MIB1: variants seen among roughly 807,000 people sequenced by gnomAD.
The protein encoded by MIB1 is E3 ubiquitin-protein ligase MIB1.
MIB1 carries 278 observed loss-of-function variants against 124.5 expected under a neutral mutation model. The observed-to-expected ratio is 2.23, with a 90% CI of 2.02 to 2.47. MIB1 has a LOEUF of 2.47. Ranked by LOEUF, MIB1 falls within the 30% of genes most tolerant of loss-of-function variation. The pLI is 0.00. For missense variants in MIB1, 957 were observed against 1,254.4 expected (o/e 0.76, Z 3.58); for synonymous variants, 446 against 429.4 (o/e 1.04, Z -0.48).
chr18:21,818,935 A>G (rs2146478581), intron 11 of MIB1, among the ~76,000 whole-genome samples: 1 of 152,106 alleles, frequency 6.6e-6, no homozygotes, highest in South Asian at 2.1e-4. Context: ...ACTTGGTCTC[A>G]AAAAAAAGAA....
intron 11 of MIB1, 63 bp downstream of exon 11, chr18:21,815,876 A>G: frequency 7.1e-7 from 1 of 1,416,074 alleles, no homozygotes; most frequent in Non-Finnish European, 9.9e-7. Context: ...GGGAAACATT[A>G]AGTTCTATGG....
intron 18 of MIB1, among the ~76,000 whole-genome samples, chr18:21,856,156 G>A (rs542145188): frequency 1.3e-5 from 2 of 150,716 alleles, no homozygotes; most frequent in Non-Finnish European, 2.9e-5. Context: ...CGTGAACCCG[G>A]GAAGCGGAGC....
At chr18:21,750,191 A>G (rs1206222306) in intron 1 of MIB1, among the ~76,000 whole-genome samples, 1 of 152,084 alleles carries the variant, frequency 6.6e-6, no homozygotes, top group African/African-American at 2.4e-5. Context: ...GTGCAATGGC[A>G]TGATCTCAGC....
chr18:21,815,681 AC>A lies in MIB1; in HGVS notation c.1546del (p.Leu516TyrfsTer8), dbSNP rs752998585. ...GAGATGAAGGCGCTGTTATAGAAGT[AC>A]TACATCGAGGTAGTGCTGATTTGAA... ...FGDEGAVIEV[L>X]HRGSADLNAR... On this transcript the variant is annotated frameshift_variant, in exon 11 of 21. Transcript: ENST00000261537. LOFTEE classifies it high-confidence loss of function. 6.2e-7 allele frequency: 1 copy of A among 1,614,178 alleles called. No individual in the cohort carries two copies. Among genetic ancestry groups the A allele is most frequent in the Non-Finnish European group, 8.5e-7 (1 of 1,180,006 alleles).
In MIB1 at chr18:21,734,072, C is replaced by T. The variant is rs534681615; in HGVS notation, n.167+28949C>T. ...CATTCTTCCATCTAAGCATCTAAGC[C>T]TCACCATAAATATGATATTTGTTCT... On this transcript the variant is annotated intron_variant and non_coding_transcript_variant, in intron 1 of 20. Coordinates refer to the MIB1 transcript ENST00000578646. 1.3e-4 allele frequency among the ~76,000 whole-genome samples: 19 copies of T among 151,790 alleles called. No individual in the cohort carries two copies. The South Asian group carries it at 2.3e-3, about 18-fold the overall frequency.
At chr18:21,775,289 G>T (rs1389563616) in intron 4 of MIB1, among the ~76,000 whole-genome samples, 1 of 152,032 alleles carries the variant, frequency 6.6e-6, no homozygotes, top group Non-Finnish European at 1.5e-5. Flanking sequence ...ACTCAAGCTG[G>T]AGTGCAGTGG....
intron 5 of MIB1, among the ~76,000 whole-genome samples, chr18:21,778,389 T>C (rs1012111338): frequency 5.3e-5 from 8 of 152,244 alleles, no homozygotes; most frequent in Non-Finnish European, 1.0e-4. Flanking sequence ...ATTTATGTCA[T>C]AATATACATT....
At chr18:21,771,614 A>G (rs1050342506) in intron 3 of MIB1, among the ~76,000 whole-genome samples, 1 of 152,180 alleles carries the variant, frequency 6.6e-6, no homozygotes, top group Non-Finnish European at 1.5e-5. Flanking sequence ...AGTTACCTCT[A>G]ATGGAAGGCA....
chr18:21,722,157 C>T (rs924919381), intron 1 of MIB1, among the ~76,000 whole-genome samples: 1 of 151,646 alleles, frequency 6.6e-6, no homozygotes, highest in Admixed American at 6.6e-5. Flanking sequence ...TGGGTTCAAG[C>T]GATTTTCCTG....
At chr18:21,832,207 G>A (rs2041990744) in intron 12 of MIB1, among the ~76,000 whole-genome samples, 1 of 152,060 alleles carries the variant, frequency 6.6e-6, no homozygotes, top group Non-Finnish European at 1.5e-5. Context: ...ATGCTTTTGA[G>A]TAATTATACA....
chr18:21,709,129 A>C (rs901592685), intron 1 of MIB1, among the ~76,000 whole-genome samples: 9 of 152,090 alleles, frequency 5.9e-5, no homozygotes, highest in Non-Finnish European at 1.3e-4. Flanking sequence ...ATCCTGGCTA[A>C]CACGGTGAAA....
At chr18:21,786,201 A>G (rs2041433341) in intron 6 of MIB1, among the ~76,000 whole-genome samples, 1 of 151,798 alleles carries the variant, frequency 6.6e-6, no homozygotes, top group Non-Finnish European at 1.5e-5. Context: ...GGTTCACACC[A>G]TTCTCCTGCC....
chr18:21,773,992 G>T (rs570841188), intron 4 of MIB1, among the ~76,000 whole-genome samples: 1 of 152,238 alleles, frequency 6.6e-6, no homozygotes, highest in East Asian at 1.9e-4. Flanking sequence ...CAAAAAGATT[G>T]GGAATCATCT....
intron 6 of MIB1, among the ~76,000 whole-genome samples, chr18:21,787,740 T>A (rs2041453019): frequency 6.6e-6 from 1 of 151,958 alleles, no homozygotes; most frequent in African/African-American, 2.4e-5. Context: ...TTGCTGGTGA[T>A]AATCTTGGTG....
chr18:21,829,728 TTGA>T (rs1417693602), intron 12 of MIB1, among the ~76,000 whole-genome samples: 2 of 152,116 alleles, frequency 1.3e-5, no homozygotes, highest in Non-Finnish European at 2.9e-5. Context: ...AGTTTGCACT[TTGA>T]TGCTTCTCTT....
chr18:21,716,695 C>G (rs529848307), intron 1 of MIB1, among the ~76,000 whole-genome samples: 1 of 151,962 alleles, frequency 6.6e-6, no homozygotes, highest in Non-Finnish European at 1.5e-5. Flanking sequence ...ACTAAAAATA[C>G]AAAAAAATTA....
At position 21,838,425 on chromosome 18, in the gene MIB1, T is replaced by A; in HGVS notation, c.1890T>A (p.Asp630Glu). The change falls in exon 13 of 21, where the codon GAT becomes GAA. Residue 630 changes from aspartate to glutamate, a missense_variant. Transcript: ENST00000261537. The part of the protein sequence containing the change: ...PRPWIVDEKK[D>E]DGYTALHLAA... ...CATGGATTGTGGATGAGAAGAAAGA[T>A]GATGGTTATACTGCCTTACATCTGG... The A allele has an allele frequency of 6.2e-7, 1 of 1,611,238 alleles. No individual in the cohort carries two copies. Among genetic ancestry groups the A allele is most frequent in the African/African-American group, 1.3e-5 (1 of 75,012 alleles).
intron 1 of MIB1, among the ~76,000 whole-genome samples, chr18:21,718,548 G>T (rs1339384006): frequency 6.6e-6 from 1 of 152,194 alleles, no homozygotes; most frequent in Middle Eastern, 3.2e-3. Flanking sequence ...GATGTCATCT[G>T]ACTGCAAACA....
At position 21,815,734 on chromosome 18, in the gene MIB1, C is replaced by A; in HGVS notation, c.1598C>A (p.Pro533Gln). The A allele has an allele frequency of 6.2e-7, 1 of 1,614,116 alleles. No individual in the cohort carries two copies. Among genetic ancestry groups the A allele is most frequent in the Non-Finnish European group, 8.5e-7 (1 of 1,180,024 alleles). The stretch of plus-strand genomic sequence containing the variant: ...GCTCGAAACAAGCGCCGACAGACAC[C>A]ACTTCATATTGCTGTCAATAAAGGT... ...LNARNKRRQTPLHIAVNKGHL... is the reference protein window; with the variant it reads ...LNARNKRRQTQLHIAVNKGHL... Residue 533 changes from proline to glutamine, a missense_variant, in exon 11 of 21, where the codon CCA becomes CAA. Pro to Gln is a moderately conservative substitution (Grantham distance 76). Coordinates refer to ENST00000261537, the MANE Select transcript of MIB1 (RefSeq NM_020774.4).
Sources: allele counts gnomAD v4.1 joint callset (sites outside exome capture counted in the v4.1 genomes callset), GRCh38; gene constraint gnomAD v4.1.1; transcripts MANE v1.5; gene names NCBI Gene and HGNC (gene_info 2026-07-23, HGNC 2026-07-21).